The following MITF variants were observed in gnomAD, a reference collection of about 807,000 sequenced individuals.
MITF encodes microphthalmia-associated transcription factor.
Under a neutral mutation model 60.5 loss-of-function variants are expected in MITF, and 17 were observed. The observed-to-expected ratio is 0.28, with a 90% confidence interval of 0.19 to 0.42. MITF has a LOEUF of 0.42. MITF is among the 10% of genes least tolerant of loss of function. The pLI, the probability that MITF is intolerant of heterozygous loss-of-function variation, is 1.00. For synonymous variants in MITF, 260 were observed against 248.5 expected, an observed-to-expected ratio of 1.05 and a Z score of -0.43; for missense variants, 622 against 683.5, an observed-to-expected ratio of 0.91 and a Z score of 1.00.
chr3:69,867,233 A>G (rs1468138620), intron 1 of MITF, among the ~76,000 whole-genome samples: 1 of 152,126 alleles, frequency 6.6e-6, no homozygotes, highest in Non-Finnish European at 1.5e-5. Context: ...TCAGAAAGGC[A>G]TTATGTTCAG....
chr3:69,871,301 T>G (rs570877968), intron 1 of MITF, among the ~76,000 whole-genome samples: 2 of 152,344 alleles, frequency 1.3e-5, no homozygotes, highest in Non-Finnish European at 2.9e-5. Flanking sequence ...TACTTGATTG[T>G]CTTGGGGCAC....
intron 2 of MITF, among the ~76,000 whole-genome samples, chr3:69,929,999 GC>G (rs879801411): frequency 6.6e-6 from 1 of 151,922 alleles, no homozygotes; most frequent in Non-Finnish European, 1.5e-5. Flanking sequence ...ACCTACCCCC[GC>G]CCCCAACAAA....
chr3:69,938,229 T>C (rs2065889596), intron 3 of MITF, 180 bp downstream of exon 3: 2 of 1,119,086 alleles, frequency 1.8e-6, no homozygotes, highest in South Asian at 1.3e-5. Flanking sequence ...CGCTGGGTTA[T>C]TGGGTGTAGA....
At chr3:69,809,626 ATT>A (rs200221440) in intron 1 of MITF, among the ~76,000 whole-genome samples, 84 of 139,440 alleles carry the variant, frequency 6.0e-4, no homozygotes, top group South Asian at 6.8e-4. Context: ...AACTAAGTAC[ATT>A]TTTTTTTTTT....
chr3:69,921,410 T>A (rs2065465249), intron 2 of MITF, among the ~76,000 whole-genome samples: 1 of 152,212 alleles, frequency 6.6e-6, no homozygotes, highest in African/African-American at 2.4e-5. Flanking sequence ...AGATTCCTAG[T>A]GTGCTTTTTG....
At chr3:69,870,769 C>T (rs939144745) in intron 1 of MITF, among the ~76,000 whole-genome samples, 8 of 152,054 alleles carry the variant, frequency 5.3e-5, no homozygotes, top group East Asian at 1.9e-4. Context: ...ATCTAATTGG[C>T]GAAACTTAGC....
chr3:69,828,279 A>G (rs180735146), intron 1 of MITF, among the ~76,000 whole-genome samples: 6 of 152,338 alleles, frequency 3.9e-5, no homozygotes, highest in Admixed American at 2.6e-4. Context: ...AAGATGAAGA[A>G]TAATTTAAGA....
At chr3:69,900,938 C>T (rs967657405) in intron 2 of MITF, among the ~76,000 whole-genome samples, 1 of 151,990 alleles carries the variant, frequency 6.6e-6, no homozygotes, top group Non-Finnish European at 1.5e-5. Flanking sequence ...AGGTTTAACA[C>T]ACCTTGAGCA....
chr3:69,919,772 T>C (rs1575963012), intron 2 of MITF, among the ~76,000 whole-genome samples: 2 of 151,980 alleles, frequency 1.3e-5, no homozygotes, highest in African/African-American at 4.8e-5. Flanking sequence ...AAGAAATAAC[T>C]TTTCAAAATG....
chr3:69,821,795 AG>A lies in MITF; in HGVS notation c.105-57338del, dbSNP rs532966374. Among the ~76,000 whole-genome samples the A allele has an allele frequency of 1.8e-4, 28 of 151,832 alleles. No individual in the cohort carries two copies. In the East Asian group the frequency reaches 5.4e-3, roughly 29 times the overall value. On this transcript the variant is annotated intron_variant, in intron 1 of 9. Coordinates refer to ENST00000352241, the MANE Select transcript of MITF (RefSeq NM_001354604.2). ...CTGAGTCTCACTTACTCTGTTGCCC[AG>A]ACTGGAGTGCAGCGACGTGATCTCG...
chr3:69,757,509 TG>T (rs1437877497), intron 1 of MITF, among the ~76,000 whole-genome samples: 1 of 152,078 alleles, frequency 6.6e-6, no homozygotes. Context: ...AGAAGACAGT[TG>T]GGGAGGTTTG....
chr3:69,865,654 C>T (rs1005303788), intron 1 of MITF, among the ~76,000 whole-genome samples: 5 of 152,128 alleles, frequency 3.3e-5, no homozygotes, highest in East Asian at 3.9e-4. Flanking sequence ...CCACCAGAAC[C>T]GGGCAAGGAC....
chr3:69,899,424 A>G, intron 2 of MITF, among the ~76,000 whole-genome samples: 1 of 152,190 alleles, frequency 6.6e-6, no homozygotes, highest in South Asian at 2.1e-4. Context: ...AGCAATGGGA[A>G]GCCATGGAAA....
chr3:69,967,458 C>T lies in MITF; in HGVS notation c.*2210C>T, dbSNP rs1482982227. On this transcript the variant is annotated 3_prime_UTR_variant, in exon 10 of 10. Coordinates refer to ENST00000352241, the MANE Select transcript of MITF (RefSeq NM_001354604.2). Reference sequence around the variant, plus strand: ...ATCGTGATGCTATGATGTTAGTTTTCCTTAGCTGATTTTGAGGGTTTTTAA... The same window carrying T: ...ATCGTGATGCTATGATGTTAGTTTTTCTTAGCTGATTTTGAGGGTTTTTAA... 2 of 233,244 alleles carry T rather than the reference C, an allele frequency of 8.6e-6. No individual in the cohort carries two copies. The highest frequency in any genetic ancestry group is 4.4e-5 in the African/African-American group (2 of 45,266). The allele number at this position is 233,244 out of a possible 1,614,324, so 14.4% of individuals were successfully genotyped here.
intron 1 of MITF, among the ~76,000 whole-genome samples, chr3:69,753,337 T>C (rs774442286): frequency 5.9e-5 from 9 of 152,214 alleles, no homozygotes; most frequent in Non-Finnish European, 1.0e-4. Context: ...ATGGAAAAAC[T>C]TGGATGTCCA....
At chr3:69,808,287 G>A (rs1014938956) in intron 1 of MITF, among the ~76,000 whole-genome samples, 9 of 151,952 alleles carry the variant, frequency 5.9e-5, no homozygotes, top group African/African-American at 9.7e-5. Context: ...ACAAGTTTTA[G>A]TTCAGTTATA....
rs539596473 is a variant in MITF at position 69,808,314 on chromosome 3, G to T, written c.104+68613G>T. ...TCAGTTATATGCCTTTGAGAGTCAA[G>T]GGGGGCACTTTTAAGTACTCTAGGG... On this transcript the variant is annotated intron_variant, in intron 1 of 9. Coordinates refer to ENST00000352241, the MANE Select transcript of MITF (RefSeq NM_001354604.2). Among the ~76,000 whole-genome samples the T allele has an allele frequency of 2.0e-4, 30 of 151,918 alleles. 1 individual carries two copies. Among genetic ancestry groups the T allele is most frequent in the Admixed American group, 1.8e-3 (28 of 15,230 alleles).
chr3:69,874,425 A>G (rs1248593340), intron 1 of MITF, among the ~76,000 whole-genome samples: 2 of 152,200 alleles, frequency 1.3e-5, no homozygotes, highest in African/African-American at 2.4e-5. Context: ...TATTTTTACC[A>G]CTAATTTTTG....
intron 1 of MITF, among the ~76,000 whole-genome samples, chr3:69,776,852 T>C (rs2062481614): frequency 6.6e-6 from 1 of 152,240 alleles, no homozygotes; most frequent in Admixed American, 6.5e-5. Context: ...TTACTATGAT[T>C]ATTTCCATTA....
Sources: allele counts gnomAD v4.1 joint callset (sites outside exome capture counted in the v4.1 genomes callset), GRCh38; gene constraint gnomAD v4.1.1; transcripts MANE v1.5; gene names NCBI Gene and HGNC (gene_info 2026-07-23, HGNC 2026-07-21).